CLVS1: variants seen among roughly 807,000 people sequenced by gnomAD.
CLVS1 encodes the protein clavesin 1.
A neutral mutation model predicts 33.1 loss-of-function variants in CLVS1; 10 were observed. The observed-to-expected ratio is 0.30, with a 90% CI of 0.19 to 0.51. The LOEUF (loss-of-function observed/expected upper bound fraction) is 0.51. Ranked by LOEUF, CLVS1 falls within the 20% of genes least tolerant of loss-of-function variation. The pLI is 0.97. For synonymous variants in CLVS1, 163 were observed against 166.1 expected (o/e 0.98, Z 0.14); for missense variants, 343 against 433.4 (o/e 0.79, Z 1.85).
At chr8:61,049,886 T>A in the CLVS1 span, among the ~76,000 whole-genome samples, 1 of 152,266 alleles carries the variant, frequency 6.6e-6, no homozygotes, top group Admixed American at 6.5e-5. Context: ...TTAATGAATG[T>A]ATAGTTCTAA....
At chr8:61,077,297 T>G (rs1804931855) in intron 1 of CLVS1, among the ~76,000 whole-genome samples, 1 of 151,954 alleles carries the variant, frequency 6.6e-6, no homozygotes, top group African/African-American at 2.4e-5. Flanking sequence ...GGTCTGGATC[T>G]CCTGACCCCG....
At chr8:61,031,739 G>T in the CLVS1 span, among the ~76,000 whole-genome samples, 1 of 152,204 alleles carries the variant, frequency 6.6e-6, no homozygotes, top group African/African-American at 2.4e-5. Flanking sequence ...ATACAGAATG[G>T]GGACAAGGCG....
At chr8:61,277,059 A>T (rs1809572642) in intron 2 of CLVS1, among the ~76,000 whole-genome samples, 1 of 152,038 alleles carries the variant, frequency 6.6e-6, no homozygotes, top group Non-Finnish European at 1.5e-5. Context: ...ATAGCTTTTG[A>T]CCTACTCAGT....
At chr8:61,443,272 G>T (rs1451547976) in intron 3 of CLVS1, among the ~76,000 whole-genome samples, 3 of 152,074 alleles carry the variant, frequency 2.0e-5, no homozygotes, top group African/African-American at 7.2e-5. Flanking sequence ...TTGTTTTATG[G>T]ATCATGCTTT....
intron 2 of CLVS1, among the ~76,000 whole-genome samples, chr8:61,271,242 A>G (rs1337352442): frequency 7.3e-5 from 11 of 150,344 alleles, no homozygotes; most frequent in Non-Finnish European, 1.6e-4. Flanking sequence ...TTCAAAGAAC[A>G]TCTTTATTTC....
At chr8:61,364,162 A>G (rs147325468) in intron 2 of CLVS1, among the ~76,000 whole-genome samples, 2 of 152,312 alleles carry the variant, frequency 1.3e-5, no homozygotes, top group East Asian at 3.9e-4. Flanking sequence ...CAAGCCACCT[A>G]TCATTATTGT....
intron 4 of CLVS1, among the ~76,000 whole-genome samples, chr8:61,457,643 T>C (rs982113931): frequency 2.0e-5 from 3 of 152,130 alleles, no homozygotes; most frequent in African/African-American, 7.2e-5. Flanking sequence ...GATTTTCTTC[T>C]ACCTTGTGCC....
At chr8:61,345,621 G>GGTGTGT (rs1554561987) in intron 2 of CLVS1, among the ~76,000 whole-genome samples, 10 of 148,688 alleles carry the variant, frequency 6.7e-5, no homozygotes, top group African/African-American at 2.5e-4. Flanking sequence ...AGCCTCTAGG[G>GGTGTGT]GTGTGTGTGT....
intron 1 of CLVS1, among the ~76,000 whole-genome samples, chr8:61,059,475 C>CATACATACATATATATATATATATAT (rs59538219): frequency 8.0e-5 from 4 of 50,204 alleles, no homozygotes; most frequent in East Asian, 1.2e-3. Flanking sequence ...TACATACATA[C>CATACATACATATATATATATATATAT]ATATATATAT....
rs28592046 is a variant in CLVS1 at position 61,432,000 on chromosome 8, A to G, written c.631-22141A>G. On this transcript the variant is annotated intron_variant, in intron 3 of 5. Transcript: ENST00000325897. Reference sequence around the variant, plus strand: ...TCACATGCTGTCTATCTTCAAAGACAAGTATTTGGTTTCCTCTGTGCTTCC... The same window carrying G: ...TCACATGCTGTCTATCTTCAAAGACGAGTATTTGGTTTCCTCTGTGCTTCC... 6.3e-3 allele frequency among the ~76,000 whole-genome samples: 961 copies of G among 152,330 alleles called. 15 individuals are homozygous for G. The highest frequency in any genetic ancestry group is 0.022 in the African/African-American group (903 of 41,578).
intron 2 of CLVS1, among the ~76,000 whole-genome samples, chr8:61,255,595 T>C (rs1809061262): frequency 6.6e-6 from 1 of 152,204 alleles, no homozygotes; most frequent in Non-Finnish European, 1.5e-5. Flanking sequence ...CTTCTCATTA[T>C]CATCATTCCT....
At chr8:61,356,561 G>C (rs1440480738) in intron 2 of CLVS1, among the ~76,000 whole-genome samples, 1 of 151,796 alleles carries the variant, frequency 6.6e-6, no homozygotes, top group Non-Finnish European at 1.5e-5. Flanking sequence ...TAACGTTTAA[G>C]TCTTTAATCC....
chr8:61,300,247 T>A lies in CLVS1; in HGVS notation c.420T>A (p.Ile140=). 1 of 1,613,846 alleles carries A rather than the reference T, an allele frequency of 6.2e-7. No individual in the cohort carries two copies. Among genetic ancestry groups the A allele is most frequent in the Admixed American group, 1.7e-5 (1 of 59,960 alleles). ...LENRDHYGRK[I]LLLFAANWDQ... is the part of the protein sequence containing the mutation. ...ACCGAGACCATTACGGCAGGAAGAT[T>A]CTTTTGCTGTTTGCAGCCAATTGGG... Residue 140 remains isoleucine (I), a synonymous_variant, in exon 2 of 6, where the codon ATT becomes ATA. Transcript: ENST00000325897.
intron 2 of CLVS1, among the ~76,000 whole-genome samples, chr8:61,307,323 A>G (rs1027629264): frequency 1.3e-5 from 2 of 152,228 alleles, no homozygotes; most frequent in African/African-American, 4.8e-5. Context: ...AGGCACTTTA[A>G]GGATGAGTTA....
intron 2 of CLVS1, among the ~76,000 whole-genome samples, chr8:61,213,657 A>G (rs1808019778): frequency 6.6e-6 from 1 of 152,068 alleles, no homozygotes; most frequent in Non-Finnish European, 1.5e-5. Context: ...CTTTACTTTA[A>G]TCTCTTAATC....
intron 1 of CLVS1, among the ~76,000 whole-genome samples, chr8:61,097,951 AT>A: frequency 6.6e-6 from 1 of 152,302 alleles, no homozygotes. Flanking sequence ...AAGAGCTCAC[AT>A]TGTGCCAGCC....
chr8:61,309,120 T>A (rs1318941910), intron 2 of CLVS1, among the ~76,000 whole-genome samples: 1 of 152,186 alleles, frequency 6.6e-6, no homozygotes, highest in Admixed American at 6.5e-5. Context: ...GCGTGTGCAT[T>A]AGAAGTTGGG....
At chr8:61,371,785 A>C (rs113842967) in intron 2 of CLVS1, among the ~76,000 whole-genome samples, 2,975 of 152,326 alleles carry the variant, frequency 0.02, 36 homozygotes, top group African/African-American at 0.032. Context: ...TCAGGTGCTT[A>C]ACTCGTATAT....
the CLVS1 span, among the ~76,000 whole-genome samples, chr8:61,008,379 T>G: frequency 6.6e-6 from 1 of 151,532 alleles, no homozygotes; most frequent in Admixed American, 6.6e-5. Flanking sequence ...AAAATTTTTC[T>G]AAAAAATGTG....
Sources: gnomAD v4.1 joint callset for allele counts (sites outside exome capture counted in the v4.1 genomes callset) on GRCh38, gnomAD v4.1.1 for gene constraint, MANE v1.5 for transcripts, NCBI Gene and HGNC (gene_info 2026-07-23, HGNC 2026-07-21) for gene names.